Variants in TNRC6B observed in about 807,000 individuals in gnomAD.
The protein encoded by TNRC6B is trinucleotide repeat containing adaptor 6B, also known as trinucleotide repeat-containing gene 6B protein.
A neutral mutation model predicts 203.6 loss-of-function variants in TNRC6B; 52 were observed. The observed-to-expected ratio is 0.26, with a 90% CI of 0.20 to 0.32. The LOEUF (loss-of-function observed/expected upper bound fraction) is 0.32, where lower values mean the gene tolerates loss of function less well. Ranked by LOEUF, TNRC6B falls within the 10% of genes least tolerant of loss-of-function variation. The probability of loss-of-function intolerance (pLI) is 1.00; values close to 1 mark genes in which losing one functional copy is unlikely to be tolerated. For synonymous variants in TNRC6B, 838 were observed against 845.7 expected, an observed-to-expected ratio of 0.99 and a Z score of 0.16; for missense variants, 1,923 against 2,286.2, an observed-to-expected ratio of 0.84 and a Z score of 3.24.
chr22:40,266,477 G>A lies in TNRC6B; in HGVS notation c.2247G>A (p.Trp749Ter), dbSNP rs200598254. 3 of 1,613,792 alleles carry A rather than the reference G, an allele frequency of 1.9e-6. No homozygotes were observed. Among genetic ancestry groups the A allele is most frequent in the African/African-American group, 1.3e-5 (1 of 75,020 alleles). The change falls in exon 5 of 23, where the codon TGG (tryptophan) becomes TGA (stop). Residue 749 changes from tryptophan (W) to a stop codon, truncating the protein, a stop_gained. Coordinates refer to ENST00000454349, the MANE Select transcript of TNRC6B (RefSeq NM_001162501.2). LOFTEE classifies it high-confidence loss of function. ...NQGWSSGKNG[W>*]GEEVDQTKNS... Reference sequence around the variant, plus strand: ...GATGGTCTTCTGGAAAGAATGGTTGGGGGGAGGAAGTCGATCAGACAAAAA... The same window carrying A: ...GATGGTCTTCTGGAAAGAATGGTTGAGGGGAGGAAGTCGATCAGACAAAAA...
At position 40,331,037 on chromosome 22, in the gene TNRC6B, G is replaced by T. The variant is rs201592905; in HGVS notation, c.*7796G>T. ...GTGCTCATGTGGCTTTGGCTGTTTT[G>T]TTTTTTGTTTTTCTGTAAGCACTGG... On this transcript the variant is annotated 3_prime_UTR_variant, in exon 23 of 23. Transcript: ENST00000454349. 7.9e-5 allele frequency: 12 copies of T among 152,756 alleles called. No homozygotes were observed. The highest frequency in any genetic ancestry group is 2.9e-4 in the African/African-American group (12 of 41,548). The allele number at this position is 152,756 out of a possible 1,614,324, so 9.5% of individuals were successfully genotyped here. A position where few individuals can be genotyped will look rare whatever the true frequency, so the allele number is the denominator to read the frequency against.
At chr22:40,222,255 T>G (rs536361130) in intron 1 of TNRC6B, among the ~76,000 whole-genome samples, 1 of 152,334 alleles carries the variant, frequency 6.6e-6, no homozygotes, top group South Asian at 2.1e-4. Context: ...TTGGGGAATC[T>G]TAAGTCGCCT....
intron 1 of TNRC6B, among the ~76,000 whole-genome samples, chr22:40,184,962 C>G (rs1305038634): frequency 6.6e-6 from 1 of 152,122 alleles, no homozygotes; most frequent in Non-Finnish European, 1.5e-5. Flanking sequence ...GAGATAAAGA[C>G]TTAAGAGTTA....
At chr22:40,074,800 T>TA (rs1482472361) in intron 1 of TNRC6B, among the ~76,000 whole-genome samples, 150 of 150,212 alleles carry the variant, frequency 1.0e-3, no homozygotes, top group African/African-American at 3.6e-3. Context: ...TAAAATAAAA[T>TA]AAAGAAAATT....
At chr22:40,273,016 G>T (rs1439386961) in intron 6 of TNRC6B, among the ~76,000 whole-genome samples, 2 of 152,144 alleles carry the variant, frequency 1.3e-5, no homozygotes, top group Non-Finnish European at 2.9e-5. Context: ...AGTGTCCATT[G>T]TATATAAAGT....
intron 3 of TNRC6B, among the ~76,000 whole-genome samples, chr22:40,258,101 T>TTTTTTTTTTTTA (rs869114055): frequency 1.8e-5 from 2 of 108,426 alleles, no homozygotes; most frequent in South Asian, 2.9e-4. Context: ...TTTTTTTTTT[T>TTTTTTTTTTTTA]ACCCCACAAT....
At chr22:40,164,198 A>T (rs535646599) in intron 4 of TNRC6B, among the ~76,000 whole-genome samples, 1 of 149,310 alleles carries the variant, frequency 6.7e-6, no homozygotes, top group Admixed American at 6.7e-5. Context: ...CCTGACCAGC[A>T]TGGTGAAAAC....
At chr22:40,095,637 G>T (rs1333752756) in intron 1 of TNRC6B, among the ~76,000 whole-genome samples, 3 of 150,894 alleles carry the variant, frequency 2.0e-5, no homozygotes, top group Admixed American at 1.3e-4. Flanking sequence ...CATTGTGACT[G>T]AGCCCACAGC....
intron 14 of TNRC6B, 54 bp from the exon 15 acceptor site, chr22:40,301,096 T>C (rs1253816129): frequency 6.4e-7 from 1 of 1,557,252 alleles, no homozygotes; most frequent in East Asian, 2.4e-5. Flanking sequence ...CACAGTCTTT[T>C]CCTGGGAAGT....
In TNRC6B at chr22:40,301,177, C is replaced by G; in HGVS notation, c.3964C>G (p.Gln1322Glu). The G allele has an allele frequency of 8.1e-7, 1 of 1,232,106 alleles. No individual in the cohort carries two copies. Among genetic ancestry groups the G allele is most frequent in the Non-Finnish European group, 1.1e-6 (1 of 889,916 alleles). 76.3% of individuals were successfully genotyped at this position (1,232,106 alleles called of 1,614,324 possible). A position where few individuals can be genotyped will look rare whatever the true frequency, so the allele number is the denominator to read the frequency against. Reference protein sequence around the residue: ...QLARMVSALQQQQQQQQRQPG... With the variant: ...QLARMVSALQEQQQQQQRQPG... Reference sequence around the variant, plus strand: ...GGCTCGAATGGTGAGTGCACTGCAGCAGCAGCAGCAGCAGCAGCAGAGGCA... The same window carrying G: ...GGCTCGAATGGTGAGTGCACTGCAGGAGCAGCAGCAGCAGCAGCAGAGGCA... The change falls in exon 15 of 23, where the codon CAG becomes GAG. Residue 1322 changes from glutamine to glutamate, a missense_variant. This residue lies in a region of TNRC6B where 242 missense variants were observed against 399.5 expected (regional missense o/e 0.61). Coordinates refer to ENST00000454349, the MANE Select transcript of TNRC6B (RefSeq NM_001162501.2).
At chr22:40,185,818 A>C (rs8142495) in intron 1 of TNRC6B, among the ~76,000 whole-genome samples, 1 of 151,938 alleles carries the variant, frequency 6.6e-6, no homozygotes, top group Non-Finnish European at 1.5e-5. Flanking sequence ...AGGCAGGCCA[A>C]TTAGGGGATA....
At chr22:40,129,945 A>G (rs1361726925) in intron 3 of TNRC6B, among the ~76,000 whole-genome samples, 2 of 152,236 alleles carry the variant, frequency 1.3e-5, no homozygotes, top group African/African-American at 2.4e-5. Flanking sequence ...CTGGTGTTCA[A>G]GGGTGCCATT....
chr22:40,285,177 C>T (rs1048210305), intron 11 of TNRC6B, among the ~76,000 whole-genome samples: 4 of 152,180 alleles, frequency 2.6e-5, no homozygotes, highest in Admixed American at 2.6e-4. Context: ...AGGAAGGGTG[C>T]TAGGCTCACT....
At chr22:40,139,324 C>T (rs980008361) in intron 3 of TNRC6B, among the ~76,000 whole-genome samples, 1 of 139,632 alleles carries the variant, frequency 7.2e-6, no homozygotes, top group Admixed American at 7.8e-5. Context: ...TGGGTGTACG[C>T]ATTTTTTTTT....
rs1177627624 is a variant in TNRC6B, at chr22:40,322,789, C to T, written c.5115-65C>T. ...CACATTGAATGTCAAGGACTGCAGT[C>T]GCTCCCTCCGTATGCTTTAGGATTT... On this transcript the variant is annotated intron_variant, in intron 22 of 22. Coordinates refer to ENST00000454349, the MANE Select transcript of TNRC6B (RefSeq NM_001162501.2). 3.2e-5 allele frequency: 50 copies of T among 1,585,220 alleles called. 1 individual carries two copies. The highest frequency in any genetic ancestry group is 1.7e-4 in the Middle Eastern group (1 of 5,926).
intron 3 of TNRC6B, among the ~76,000 whole-genome samples, chr22:40,144,804 G>A (rs1358050924): frequency 6.7e-6 from 1 of 149,850 alleles, no homozygotes; most frequent in Non-Finnish European, 1.5e-5. Flanking sequence ...GTGATATTAA[G>A]CTTTCGAACA....
At chr22:40,098,245 G>A (rs182849012) in intron 1 of TNRC6B, among the ~76,000 whole-genome samples, 7 of 152,018 alleles carry the variant, frequency 4.6e-5, no homozygotes, top group Admixed American at 4.6e-4. Flanking sequence ...AATGAGCCGG[G>A]TGCGGTGGCG....
At chr22:40,299,389 G>A (rs544088396) in intron 12 of TNRC6B, among the ~76,000 whole-genome samples, 6 of 152,100 alleles carry the variant, frequency 3.9e-5, no homozygotes, top group East Asian at 3.9e-4. Flanking sequence ...ACAGGCATGC[G>A]CCATCACACC....
chr22:40,237,289 G>A (rs1056682976), intron 1 of TNRC6B, among the ~76,000 whole-genome samples: 7 of 152,288 alleles, frequency 4.6e-5, no homozygotes, highest in Non-Finnish European at 7.3e-5. Flanking sequence ...GTAGAGACAG[G>A]GAACAGAGCA....
Sources: gnomAD v4.1 joint callset for allele counts (sites outside exome capture counted in the v4.1 genomes callset) on GRCh38, gnomAD v4.1.1 for gene constraint, gnomAD v4.1.1 regional missense constraint, MANE v1.5 for transcripts, NCBI Gene and HGNC (gene_info 2026-07-23, HGNC 2026-07-21) for gene names.